The following DVL2 variants were observed in gnomAD, a reference collection of about 807,000 sequenced individuals.
DVL2 encodes the protein segment polarity protein dishevelled homolog DVL-2.
DVL2 carries 38 observed loss-of-function variants against 69.8 expected under a neutral mutation model. That is an observed-to-expected ratio of 0.54 (90% CI 0.42 to 0.71). DVL2 has a LOEUF of 0.71. DVL2 is among the 30% of genes least tolerant of loss of function. The pLI is 0.00. For synonymous variants in DVL2, 428 were observed against 392.4 expected (o/e 1.09, Z -1.07); for missense variants, 931 against 1,008.1 (o/e 0.92, Z 1.04).
chr17:7,233,436 G>T (rs2071578038), intron 1 of DVL2, among the ~76,000 whole-genome samples: 1 of 151,924 alleles, frequency 6.6e-6, no homozygotes, highest in African/African-American at 2.4e-5. Flanking sequence ...GTCCATAATG[G>T]CCCAAGTGTT....
intron 1 of DVL2, 76 bp downstream of exon 1, chr17:7,233,993 T>G: frequency 6.6e-7 from 1 of 1,510,542 alleles, no homozygotes; most frequent in South Asian, 1.1e-5. Context: ...TGGCCCAAAG[T>G]AGACGTGTGC....
intron 13 of DVL2, 83 bp from the exon 14 acceptor site, chr17:7,226,722 C>T: frequency 9.0e-7 from 1 of 1,109,616 alleles, no homozygotes; most frequent in Non-Finnish European, 1.2e-6. Context: ...GAACTGGGAA[C>T]AGTTCTCCCA....
chr17:7,229,290 A>G lies in DVL2; in HGVS notation c.818-16T>C. ...TTGTACTTCTCTGTGGAGAGAGGCC[A>G]TGTGAAAAGAGGAGCCCCTGCCACA... is the stretch of plus-strand genomic sequence containing the variant. On this transcript the variant is annotated splice_polypyrimidine_tract_variant and intron_variant, in intron 7 of 14. Coordinates refer to ENST00000005340, the MANE Select transcript of DVL2 (RefSeq NM_004422.3). The surrounding 1 kb of genome is among the most constrained non-coding windows in gnomAD (Gnocchi z 4.4). The G allele has an allele frequency of 6.2e-7, 1 of 1,613,568 alleles. No homozygotes were observed. The highest frequency in any genetic ancestry group is 8.5e-7 in the Non-Finnish European group (1 of 1,179,796).
rs140761538 is a variant in DVL2 at position 7,229,888 on chromosome 17, G to C, written c.576C>G (p.Tyr192Ter). Residue 192 changes from tyrosine (Y) to a stop codon, truncating the protein, a stop_gained, in exon 5 of 15, where the codon TAC (tyrosine) becomes TAG (stop). Transcript: ENST00000005340. LOFTEE classifies it high-confidence loss of function. The surrounding 1 kb of genome is among the most constrained non-coding windows in gnomAD (Gnocchi z 4.4). ...TGGTCATGAGGGTAGAGGAGCTCTC[G>C]TATCCGGCCAGGTGGCGCTCCAGCC... The part of the protein sequence containing the change: ...PSRLERHLAG[Y>*]ESSSTLMTSE... 3 of 1,610,846 alleles carry C rather than the reference G, an allele frequency of 1.9e-6. No homozygotes were observed. The highest frequency in any genetic ancestry group is 2.2e-5 in the East Asian group (1 of 44,884).
At chr17:7,226,358 TCCCTGGCTCCC>T (rs1567571810) in intron 14 of DVL2, 45 bp from the exon 15 acceptor site, 1 of 1,532,556 alleles carries the variant, frequency 6.5e-7, no homozygotes, top group South Asian at 1.3e-5. Flanking sequence ...CCCAGGCTCC[TCCCTGGCTCCC>T]CTCTCATCCA....
intron 9 of DVL2, 63 bp from the exon 10 acceptor site, chr17:7,228,107 T>A (rs1422708682): frequency 7.3e-7 from 1 of 1,372,262 alleles, no homozygotes; most frequent in African/African-American, 1.5e-5. Flanking sequence ...AGGGCGGGGG[T>A]CTGAAGCAAG....
intron 10 of DVL2, 92 bp from the exon 11 acceptor site, chr17:7,227,875 C>A: frequency 6.4e-7 from 1 of 1,559,138 alleles, no homozygotes; most frequent in Non-Finnish European, 8.7e-7. Flanking sequence ...CCACCTCTGC[C>A]TGGACCCTCC....
intron 1 of DVL2, among the ~76,000 whole-genome samples, chr17:7,232,079 C>A (rs2071551100): frequency 6.6e-6 from 1 of 152,198 alleles, no homozygotes; most frequent in African/African-American, 2.4e-5. Flanking sequence ...GTGGACCGGA[C>A]TTGCCCCTTC....
Position 7,225,837 on chromosome 17 carries a change from G to A in DVL2, c.*28C>T, listed in dbSNP as rs772583318. ...GGACACCCAGTCACACACCAGGAGC[G>A]CCCGGCCCAGCCTGGCCCCACAGTG... On this transcript the variant is annotated 3_prime_UTR_variant, in exon 15 of 15. Transcript: ENST00000005340. 5.1e-5 allele frequency: 81 copies of A among 1,598,780 alleles called. No individual in the cohort carries two copies. Among genetic ancestry groups the A allele is most frequent in the Admixed American group, 1.3e-4 (8 of 59,958 alleles).
chr17:7,233,234 C>G (rs1292700657), intron 1 of DVL2, among the ~76,000 whole-genome samples: 2 of 152,058 alleles, frequency 1.3e-5, no homozygotes, highest in African/African-American at 4.8e-5. Context: ...CTAGGATAGC[C>G]CAATCTATTC....
At chr17:7,226,354 C>T (rs1251934260) in intron 14 of DVL2, 41 bp from the exon 15 acceptor site, 1 of 1,535,276 alleles carries the variant, frequency 6.5e-7, no homozygotes, top group African/African-American at 1.4e-5. Flanking sequence ...CTCACCCAGG[C>T]TCCTCCCTGG....
At position 7,226,516 on chromosome 17, in the gene DVL2, G is replaced by A. The variant is rs763694344; in HGVS notation, c.1667C>T (p.Pro556Leu). ...CTGCGGGCTGTAGGGGTGTGGGGCAGGGTATTGGTAGGAGAAAGTGGGCAG... is the reference window on the plus strand; with the variant it reads ...CTGCGGGCTGTAGGGGTGTGGGGCAAGGTATTGGTAGGAGAAAGTGGGCAG... Reference protein sequence around the residue: ...PLLPTFSYQYPAPHPYSPQPP... With the variant: ...PLLPTFSYQYLAPHPYSPQPP... The change falls in exon 14 of 15, where the codon CCT (proline) becomes CTT (leucine). Residue 556 changes from proline to leucine, a missense_variant. This residue lies in a region of DVL2 where 314 missense variants were observed against 313.7 expected (regional missense o/e 1.00). Transcript: ENST00000005340. 1 of 1,605,280 alleles carries A rather than the reference G, an allele frequency of 6.2e-7. No individual in the cohort carries two copies. The highest frequency in any genetic ancestry group is 8.5e-7 in the Non-Finnish European group (1 of 1,176,020).
At position 7,230,323 on chromosome 17, in the gene DVL2, C is replaced by G; in HGVS notation, c.372G>C (p.Arg124Ser). Reference sequence around the variant, plus strand: ...GCCTTGAGTCCCCAATGCCGCTGGTCCTCTCGGGTGGCAAAGGAGGTAAAG... The same window carrying G: ...GCCTTGAGTCCCCAATGCCGCTGGTGCTCTCGGGTGGCAAAGGAGGTAAAG... ...APPLPPLPPE[R>S]TSGIGDSRPP... Residue 124 changes from arginine (R) to serine (S), a missense_variant, in exon 3 of 15, where the codon AGG (arginine) becomes AGC (serine). By Grantham distance (110) the Arg-to-Ser change is moderately radical. Around this residue, in one of 3 missense-constraint regions of DVL2, gnomAD observed 555 missense variants for 588.8 expected, o/e 0.94. Transcript: ENST00000005340. The G allele has an allele frequency of 6.2e-7, 1 of 1,614,162 alleles. No individual in the cohort carries two copies. Among genetic ancestry groups the G allele is most frequent in the Non-Finnish European group, 8.5e-7 (1 of 1,180,034 alleles).
In DVL2 at chr17:7,226,578, G is replaced by A; in HGVS notation, c.1605C>T (p.Thr535=). 6.2e-7 allele frequency: 1 copy of A among 1,606,012 alleles called. No homozygotes were observed. The highest frequency in any genetic ancestry group is 8.5e-7 in the Non-Finnish European group (1 of 1,176,778). The part of the protein sequence containing the change: ...DGSSGASDQD[T]LAPLPGATPW... ...GGGTGGCCCCAGGCAGAGGAGCCAG[G>A]GTATCCTGGTCTGAAGCCCCACTGG... The change falls in exon 14 of 15, where the codon ACC becomes ACT. Residue 535 remains threonine, a synonymous_variant. Coordinates refer to ENST00000005340, the MANE Select transcript of DVL2 (RefSeq NM_004422.3).
rs2071443280 is a variant in DVL2, at chr17:7,226,205, G to A, written c.1871C>T (p.Pro624Leu). Reference sequence around the variant, plus strand: ...CCGAAGGCTGCCCCCTCGGCTGGAGGGCTCAGACTCACTGCCACTGCCGGA... The same window carrying A: ...CCGAAGGCTGCCCCCTCGGCTGGAGAGCTCAGACTCACTGCCACTGCCGGA... ...SKSGSGSESE[P>L]SSRGGSLRRG... Residue 624 changes from proline (P) to leucine (L), a missense_variant, in exon 15 of 15, where the codon CCC (proline) becomes CTC (leucine). Around this residue, in one of 3 missense-constraint regions of DVL2, gnomAD observed 314 missense variants for 313.7 expected, o/e 1.00. Coordinates refer to ENST00000005340, the MANE Select transcript of DVL2 (RefSeq NM_004422.3). 6.2e-7 allele frequency: 1 copy of A among 1,612,282 alleles called. No individual in the cohort carries two copies. The highest frequency in any genetic ancestry group is 8.5e-7 in the Non-Finnish European group (1 of 1,179,734).
In DVL2 at chr17:7,226,349, C is replaced by G. The variant is rs200484159; in HGVS notation, c.1763-36G>C. ...AGGGGAGGGGCAACTGAGTCCTCAC[C>G]CAGGCTCCTCCCTGGCTCCCCTCTC... On this transcript the variant is annotated intron_variant, in intron 14 of 14. Transcript: ENST00000005340. 3.2e-4 allele frequency: 492 copies of G among 1,536,484 alleles called. 2 individuals are homozygous for G. The highest frequency in any genetic ancestry group is 1.2e-3 in the Middle Eastern group (7 of 5,676).
At chr17:7,227,065 C>G in intron 13 of DVL2, 25 bp downstream of exon 13, 3 of 1,588,376 alleles carry the variant, frequency 1.9e-6, no homozygotes, top group Middle Eastern at 1.7e-4. Context: ...AGCCACACTC[C>G]CAGAGTTGGG....
intron 1 of DVL2, among the ~76,000 whole-genome samples, chr17:7,232,222 C>G (rs1417486046): frequency 6.6e-6 from 1 of 152,244 alleles, no homozygotes; most frequent in Non-Finnish European, 1.5e-5. Flanking sequence ...GCATCAGACT[C>G]TCTACCCTAG....
chr17:7,228,165 T>C (rs2071487084), intron 9 of DVL2, 121 bp from the exon 10 acceptor site: 1 of 809,580 alleles, frequency 1.2e-6, no homozygotes, highest in African/African-American at 1.7e-5. Flanking sequence ...ACATCGCGGC[T>C]GGGCTAGAGA....
Sources: gnomAD v4.1 joint callset for allele counts (sites outside exome capture counted in the v4.1 genomes callset) on GRCh38, gnomAD v4.1.1 for gene constraint, gnomAD v4.1.1 regional missense constraint, Gnocchi (gnomAD v3.1) non-coding constraint, MANE v1.5 for transcripts, NCBI Gene and HGNC (gene_info 2026-07-23, HGNC 2026-07-21) for gene names.